Variants in MYO15A observed in about 807,000 individuals in gnomAD.
MYO15A encodes the protein myosin XVA, also known as unconventional myosin-XV.
In MYO15A, 308 loss-of-function variants were observed where a neutral mutation model predicts 394.6. The ratio of observed to expected loss-of-function variants is 0.78; its 90% CI spans 0.71 to 0.86. The LOEUF (loss-of-function observed/expected upper bound fraction) is 0.86. MYO15A is among the 40% of genes least tolerant of loss of function. MYO15A has a pLI of 0.00. For missense variants in MYO15A, 4,606 were observed against 4,799.1 expected (o/e 0.96, Z 1.19); for synonymous variants, 1,957 against 2,003.8 (o/e 0.98, Z 0.62).
chr17:18,154,168 A>C lies in MYO15A; in HGVS notation c.8126A>C (p.Gln2709Pro). 1 of 1,614,090 alleles carries C rather than the reference A, an allele frequency of 6.2e-7. No homozygotes were observed. ...AAGGACAGCTACAGCCATCCTGTGC[A>C]GCTTGACCTCCTGTTCCGGCAGGTG... The part of the protein sequence containing the change: ...YPKDSYSHPV[Q>P]LDLLFRQILH... The change falls in exon 44 of 66, where the codon CAG (glutamine) becomes CCG (proline). Residue 2709 changes from glutamine (Q) to proline (P), a missense_variant. Around this residue, in one of 2 missense-constraint regions of MYO15A, gnomAD observed 2,776 missense variants for 3,109.3 expected, o/e 0.89. Transcript: ENST00000647165.
At chr17:18,116,289 A>T (rs924553249) in intron 1 of MYO15A, among the ~76,000 whole-genome samples, 1 of 152,208 alleles carries the variant, frequency 6.6e-6, no homozygotes, top group Admixed American at 6.5e-5. Context: ...TTGTGGGGTT[A>T]GCACGACTAT....
chr17:18,158,471 G>T (rs2046722253), intron 51 of MYO15A, 52 bp from the exon 52 acceptor site: 1 of 1,528,460 alleles, frequency 6.5e-7, no homozygotes, highest in Non-Finnish European at 9.1e-7. Flanking sequence ...TGACCGAAGG[G>T]CTAGGCGTGG....
chr17:18,168,597 G>A (rs1258182865), intron 62 of MYO15A, among the ~76,000 whole-genome samples: 1 of 151,330 alleles, frequency 6.6e-6, no homozygotes, highest in Non-Finnish European at 1.5e-5. Context: ...AAAGAAACAG[G>A]GTCTTGCTAC....
rs1341387533 is a variant in MYO15A, at chr17:18,154,670, G to A, written c.8149-10G>A. On this transcript the variant is annotated splice_polypyrimidine_tract_variant and intron_variant, in intron 44 of 65. Coordinates refer to ENST00000647165, the MANE Select transcript of MYO15A (RefSeq NM_016239.4). ...CCATGTGCTGCCTGCATCACAGCCT[G>A]TTCCCACAGATCCTGCACGACACGC... The A allele has an allele frequency of 6.2e-7, 1 of 1,613,120 alleles. No individual in the cohort carries two copies. Among genetic ancestry groups the A allele is most frequent in the Non-Finnish European group, 8.5e-7 (1 of 1,180,004 alleles).
At chr17:18,145,257 T>C (rs1289003927) in intron 29 of MYO15A, among the ~76,000 whole-genome samples, 1 of 151,490 alleles carries the variant, frequency 6.6e-6, no homozygotes, top group Non-Finnish European at 1.5e-5. Flanking sequence ...GCGGCCTAGA[T>C]AGAGCAGGAG....
intron 62 of MYO15A, among the ~76,000 whole-genome samples, chr17:18,169,047 A>G (rs2046898446): frequency 6.7e-6 from 1 of 149,444 alleles, no homozygotes; most frequent in Non-Finnish European, 1.5e-5. Flanking sequence ...CTGGAGGTGG[A>G]GGTTGCAGTG....
In MYO15A at chr17:18,119,850, C is replaced by T. The variant is rs772046274; in HGVS notation, c.1050C>T (p.Asp350=). 1.9e-6 allele frequency: 3 copies of T among 1,613,004 alleles called. No individual in the cohort carries two copies. Among genetic ancestry groups the T allele is most frequent in the Admixed American group, 3.3e-5 (2 of 60,006 alleles). ...GYYLDPYAPY[D]APYPPYDLPY... ...ACCTGGATCCCTATGCGCCGTACGA[C>T]GCGCCATACCCACCCTATGACCTCC... The change falls in exon 2 of 66, where the codon GAC becomes GAT. Residue 350 remains aspartate (D), a synonymous_variant. Coordinates refer to ENST00000647165, the MANE Select transcript of MYO15A (RefSeq NM_016239.4).
At chr17:18,137,928 A>T (rs1429427514) in intron 16 of MYO15A, 187 bp from the exon 17 acceptor site, 3 of 908,282 alleles carry the variant, frequency 3.3e-6, no homozygotes, top group Non-Finnish European at 5.0e-6. Context: ...GGGCTGTCCC[A>T]GGCAGAGGGA....
Position 18,119,539 on chromosome 17 carries a change from G to A in MYO15A, c.739G>A (p.Asp247Asn), listed in dbSNP as rs1435844564. Residue 247 changes from aspartate to asparagine, a missense_variant, in exon 2 of 66, where the codon GAC becomes AAC. Asp to Asn is a conservative substitution (Grantham distance 23). Coordinates refer to ENST00000647165, the MANE Select transcript of MYO15A (RefSeq NM_016239.4). ...TCACCGCGACGGCGACGACTACTAC[G>A]ACCGGCAGTCACTCCACCGCTACGA... is the stretch of plus-strand genomic sequence containing the variant. ...DYHRDGDDYY[D>N]RQSLHRYEEQ... 8 of 1,609,020 alleles carry A rather than the reference G, an allele frequency of 5.0e-6. No homozygotes were observed. Among genetic ancestry groups the A allele is most frequent in the Non-Finnish European group, 5.9e-6 (7 of 1,179,930 alleles).
At position 18,130,817 on chromosome 17, in the gene MYO15A, A is replaced by AGC; in HGVS notation, c.4038+8_4038+9insCG. 1 of 1,191,060 alleles carries AGC rather than the reference A, an allele frequency of 8.4e-7. No individual in the cohort carries two copies. Among genetic ancestry groups the AGC allele is most frequent in the Admixed American group, 2.0e-5 (1 of 48,916 alleles). 73.8% of individuals were successfully genotyped at this position (1,191,060 alleles called of 1,614,324 possible). A position where few individuals can be genotyped will look rare whatever the true frequency, so the allele number is the denominator to read the frequency against. On this transcript the variant is annotated splice_region_variant and intron_variant, in intron 8 of 65. Transcript: ENST00000647165. The stretch of plus-strand genomic sequence containing the variant: ...GACGCTCTTGAAGATAAAGGTACTC[A>AGC]GTGTGTGTGTGTGTGTGTGTGTGTG...
chr17:18,144,070 T>TGGA (rs1442508823), intron 28 of MYO15A, 70 bp downstream of exon 28: 1 of 1,605,422 alleles, frequency 6.2e-7, no homozygotes, highest in Non-Finnish European at 8.5e-7. Flanking sequence ...ACATTGTCCT[T>TGGA]GCCCTGGGGC....
rs753378643 is a variant in MYO15A, at chr17:18,119,040, C to T, written c.240C>T (p.Leu80=). Residue 80 remains leucine (L), a synonymous_variant, in exon 2 of 66, where the codon CTC becomes CTT. Coordinates refer to ENST00000647165, the MANE Select transcript of MYO15A (RefSeq NM_016239.4). ...TKRKRKARTV[L]KSTSKLMTQM... ...GCAAGAGGAAGGCCCGCACCGTGCT[C>T]AAGTCCACGTCAAAGCTCATGACGC... 4 of 1,612,568 alleles carry T rather than the reference C, an allele frequency of 2.5e-6. No homozygotes were observed. Among genetic ancestry groups the T allele is most frequent in the Non-Finnish European group, 3.4e-6 (4 of 1,179,874 alleles).
rs1039665869 is a variant in MYO15A at position 18,139,300 on chromosome 17, G to A, written c.5134-234G>A. ...ATTCCATGCCTCTGTCCCCATCCGG[G>A]CCTTACTTTTCTCATCTGTAGAATG... On this transcript the variant is annotated intron_variant, in intron 18 of 65. Coordinates refer to ENST00000647165, the MANE Select transcript of MYO15A (RefSeq NM_016239.4). The A allele has an allele frequency of 9.6e-6, 6 of 625,278 alleles. No individual in the cohort carries two copies. In the African/African-American group the frequency reaches 1.1e-4, roughly 11 times the overall value. The allele number at this position is 625,278 out of a possible 1,614,324, so 38.7% of individuals were successfully genotyped here. A position where few individuals can be genotyped will look rare whatever the true frequency, so the allele number is the denominator to read the frequency against.
intron 13 of MYO15A, 88 bp from the exon 14 acceptor site, chr17:18,136,329 C>G: frequency 6.6e-7 from 1 of 1,519,658 alleles, no homozygotes; most frequent in Non-Finnish European, 9.1e-7. Context: ...CCTCCCTTCT[C>G]CATGATCCCA....
chr17:18,172,341 C>T, intron 64 of MYO15A, 51 bp downstream of exon 64: 1 of 1,613,678 alleles, frequency 6.2e-7, no homozygotes, highest in Non-Finnish European at 8.5e-7. Context: ...TTCCCTGGTC[C>T]CCAACCCCCT....
chr17:18,163,713 T>A, intron 59 of MYO15A, 29 bp from the exon 60 acceptor site: 1 of 1,590,236 alleles, frequency 6.3e-7, no homozygotes. Flanking sequence ...CCAACTGGCA[T>A]GGCCTCATCT....
At chr17:18,113,058 A>G (rs981062502) in intron 1 of MYO15A, among the ~76,000 whole-genome samples, 3 of 152,024 alleles carry the variant, frequency 2.0e-5, no homozygotes, top group Admixed American at 2.0e-4. Flanking sequence ...CGTGTTGCCC[A>G]GGCTGGTCTC....
intron 1 of MYO15A, among the ~76,000 whole-genome samples, chr17:18,112,368 C>CT (rs1232809399): frequency 7.3e-5 from 11 of 150,604 alleles, no homozygotes; most frequent in South Asian, 2.1e-4. Flanking sequence ...TCTCCAATCC[C>CT]TTTTTTTTTC....
In MYO15A at chr17:18,147,922, G is replaced by A; in HGVS notation, c.6510-107G>A. 7.2e-7 allele frequency: 1 copy of A among 1,393,650 alleles called. No individual in the cohort carries two copies. Among genetic ancestry groups the A allele is most frequent in the Non-Finnish European group, 1.0e-6 (1 of 986,526 alleles). 86.3% of individuals were successfully genotyped at this position (1,393,650 alleles called of 1,614,324 possible). A position where few individuals can be genotyped will look rare whatever the true frequency, so the allele number is the denominator to read the frequency against. ...CACCTTGGAGCTCTGGAGTAGCCTG[G>A]GCCTTTCTCAGACTAGCCTCAGAAT... On this transcript the variant is annotated intron_variant, in intron 30 of 65. Transcript: ENST00000647165. The surrounding 1 kb of genome is among the most constrained non-coding windows in gnomAD (Gnocchi z 4.4).
Sources: gnomAD v4.1 joint callset for allele counts (sites outside exome capture counted in the v4.1 genomes callset) on GRCh38, gnomAD v4.1.1 for gene constraint, gnomAD v4.1.1 regional missense constraint, Gnocchi (gnomAD v3.1) non-coding constraint, MANE v1.5 for transcripts, NCBI Gene and HGNC (gene_info 2026-07-23, HGNC 2026-07-21) for gene names.